OR7A5: variants seen among roughly 807,000 people sequenced by gnomAD.
OR7A5 encodes the protein olfactory receptor 7A5.
For missense variants in OR7A5, 319 were observed against 377.9 expected (o/e 0.84, Z 1.29); for synonymous variants, 140 against 146.7 (o/e 0.95, Z 0.33).
At position 14,827,170 on chromosome 19, in the gene OR7A5, A is replaced by G. The variant is rs2044775726; in HGVS notation, c.*112T>C. 1.7e-6 allele frequency: 2 copies of G among 1,155,854 alleles called. No individual in the cohort carries two copies. Among genetic ancestry groups the G allele is most frequent in the Middle Eastern group, 2.2e-4 (1 of 4,510 alleles). 71.6% of individuals were successfully genotyped at this position (1,155,854 alleles called of 1,614,324 possible). A position where few individuals can be genotyped will look rare whatever the true frequency, so the allele number is the denominator to read the frequency against. On this transcript the variant is annotated 3_prime_UTR_variant, in exon 2 of 2. Coordinates refer to ENST00000322301, the MANE Select transcript of OR7A5 (RefSeq NM_017506.2). Reference sequence around the variant, plus strand: ...TTCTACAAGACCAGTTGAAATCACAACAAATTGAAACTCCCAGAAATATAA... The same window carrying G: ...TTCTACAAGACCAGTTGAAATCACAGCAAATTGAAACTCCCAGAAATATAA...
rs1212366472 is a variant in OR7A5, at chr19:14,827,944, G to A, written c.298C>T (p.Gln100Ter). 1 of 1,614,082 alleles carries A rather than the reference G, an allele frequency of 6.2e-7. No individual in the cohort carries two copies. Among genetic ancestry groups the A allele is most frequent in the Non-Finnish European group, 8.5e-7 (1 of 1,180,032 alleles). The change falls in exon 2 of 2, where the codon CAG becomes TAG. Residue 100 changes from glutamine to a stop codon, truncating the protein, a stop_gained. Coordinates refer to ENST00000322301, the MANE Select transcript of OR7A5 (RefSeq NM_017506.2). LOFTEE classifies it low-confidence loss of function (END_TRUNC). ...GCAAAGAGTATGAAAAAATACATCT[G>A]CATGAGGCAGGCTATGTAGGTGATG... Reference protein sequence around the residue: ...KVITYIACLMQMYFFILFAGF... With the variant: ...KVITYIACLM
intron 1 of OR7A5, among the ~76,000 whole-genome samples, chr19:14,832,023 C>T (rs992651317): frequency 3.9e-5 from 6 of 152,078 alleles, no homozygotes; most frequent in Non-Finnish European, 7.4e-5. Context: ...ATACTCATGC[C>T]TCAGCTTCTT....
At position 14,827,595 on chromosome 19, in the gene OR7A5, T is replaced by C. The variant is rs2044783337; in HGVS notation, c.647A>G (p.Tyr216Cys). The C allele has an allele frequency of 6.2e-7, 1 of 1,613,996 alleles. No individual in the cohort carries two copies. The highest frequency in any genetic ancestry group is 1.7e-5 in the Admixed American group (1 of 59,992). The change falls in exon 2 of 2, where the codon TAC (tyrosine) becomes TGC (cysteine). Residue 216 changes from tyrosine (Y) to cysteine (C), a missense_variant. Physicochemically the swap from Tyr to Cys is radical, Grantham distance 194. Coordinates refer to ENST00000322301, the MANE Select transcript of OR7A5 (RefSeq NM_017506.2). ...GGAAGAAATTATCTTAGAGTAAGAG[T>C]AAAGGATCCCAGTCAGGGGACCTCC... Reference protein sequence around the residue: ...LGGGPLTGILYSYSKIISSIH... With the variant: ...LGGGPLTGILCSYSKIISSIH...
At chr19:14,828,322 A>G (rs2145078914) in intron 1 of OR7A5, 68 bp from the exon 2 acceptor site, 1 of 1,403,400 alleles carries the variant, frequency 7.1e-7, no homozygotes, top group Middle Eastern at 1.9e-4. Context: ...CAGAAATACC[A>G]TCATTTATAT....
At chr19:14,834,576 C>G (rs1222729501) in intron 1 of OR7A5, among the ~76,000 whole-genome samples, 2 of 152,172 alleles carry the variant, frequency 1.3e-5, no homozygotes, top group African/African-American at 4.8e-5. Flanking sequence ...AGAGAAAATC[C>G]TGCAAAATAT....
Position 14,827,905 on chromosome 19 carries a change from A to C in OR7A5, c.337T>G (p.Phe113Val). Residue 113 changes from phenylalanine (F) to valine (V), a missense_variant, in exon 2 of 2, where the codon TTC (phenylalanine) becomes GTC (valine). Physicochemically the swap from Phe to Val is conservative, Grantham distance 50. Transcript: ENST00000322301. ...FFILFAGFEN[F>V]LLSVMAYDRF... ...TCATAGGCCATCACGGACAGGAGGA[A>C]GTTTTCAAATCCAGCAAAGAGTATG... 4.3e-6 allele frequency: 7 copies of C among 1,614,188 alleles called. No individual in the cohort carries two copies. The highest frequency in any genetic ancestry group is 5.9e-6 in the Non-Finnish European group (7 of 1,180,038).
Position 14,829,001 on chromosome 19 carries a change from A to G in OR7A5, c.-13-747T>C, listed in dbSNP as rs574544127. ...GGGAACAGGCGCTTGGAAAATAAAC[A>G]AAGCAGGTAAAAAGGAGGGAGGGTA... On this transcript the variant is annotated intron_variant, in intron 1 of 1. Transcript: ENST00000322301. Among the ~76,000 whole-genome samples the G allele has an allele frequency of 1.0e-3, 152 of 152,172 alleles. 2 individuals carry two copies. In the South Asian group the frequency reaches 0.03, roughly 30 times the overall value.
chr19:14,832,963 A>G (rs59889385), intron 1 of OR7A5, among the ~76,000 whole-genome samples: 15,319 of 152,232 alleles, frequency 0.1, 836 homozygotes, highest in East Asian at 0.22. Context: ...ACTGTTCATA[A>G]AAAACTCTTG....
Position 14,831,545 on chromosome 19 carries a change from C to T in OR7A5, c.-13-3291G>A, listed in dbSNP as rs543497761. Among the ~76,000 whole-genome samples the T allele has an allele frequency of 2.6e-4, 39 of 151,968 alleles. 1 individual carries two copies. The highest frequency in any genetic ancestry group is 6.8e-3 in the Middle Eastern group (2 of 294). On this transcript the variant is annotated intron_variant, in intron 1 of 1. Coordinates refer to ENST00000322301, the MANE Select transcript of OR7A5 (RefSeq NM_017506.2). ...CTGCAAGCTCAGCCTCCCGGGTTCA[C>T]GCCATTCTCCTGCCTCAGCCTCCTG...
chr19:14,833,828 G>A (rs1013658427), intron 1 of OR7A5, among the ~76,000 whole-genome samples: 1 of 131,026 alleles, frequency 7.6e-6, no homozygotes, highest in African/African-American at 2.8e-5. Context: ...GAGCGGGGAT[G>A]GAGTGGGGAA....
At position 14,827,960 on chromosome 19, in the gene OR7A5, G is replaced by A; in HGVS notation, c.282C>T (p.Tyr94=). 1.2e-6 allele frequency: 2 copies of A among 1,614,226 alleles called. No homozygotes were observed. The highest frequency in any genetic ancestry group is 1.7e-6 in the Non-Finnish European group (2 of 1,180,048). Residue 94 remains tyrosine, a synonymous_variant, in exon 2 of 2, where the codon TAC becomes TAT. Coordinates refer to ENST00000322301, the MANE Select transcript of OR7A5 (RefSeq NM_017506.2). ...AATACATCTGCATGAGGCAGGCTAT[G>A]TAGGTGATGACTTTGTTCTGTGTCT... is the stretch of plus-strand genomic sequence containing the variant. The part of the protein sequence containing the change: ...NIQTQNKVIT[Y]IACLMQMYFF...
At position 14,827,271 on chromosome 19, in the gene OR7A5, G is replaced by A. The variant is rs370878498; in HGVS notation, c.*11C>T. 1.3e-6 allele frequency: 2 copies of A among 1,529,482 alleles called. No individual in the cohort carries two copies. Among genetic ancestry groups the A allele is most frequent in the Non-Finnish European group, 8.7e-7 (1 of 1,143,114 alleles). 94.7% of individuals were successfully genotyped at this position (1,529,482 alleles called of 1,614,324 possible). ...TGACAGTTACTACCTCTGAAGCTTA[G>A]AGCCCTGCAATCATGGGCACTTCTT... On this transcript the variant is annotated 3_prime_UTR_variant, in exon 2 of 2. Transcript: ENST00000322301.
chr19:14,833,690 T>C (rs924203662), intron 1 of OR7A5, among the ~76,000 whole-genome samples: 2 of 152,180 alleles, frequency 1.3e-5, no homozygotes, highest in East Asian at 3.8e-4. Context: ...TTTTAAACGC[T>C]GGTAACTGTA....
In OR7A5 at chr19:14,827,061, A is replaced by C. The variant is rs2240556; in HGVS notation, c.*221T>G. ...TGTTTCTGATCCAAAGTCGGAAATA[A>C]CCTTGAGAAAGTAGGAAAACAACAA... On this transcript the variant is annotated 3_prime_UTR_variant, in exon 2 of 2. Transcript: ENST00000322301. 5,664 of 396,796 alleles carry C rather than the reference A, an allele frequency of 0.014. 56 individuals carry two copies. The highest frequency in any genetic ancestry group is 0.032 in the South Asian group (343 of 10,700). 24.6% of individuals were successfully genotyped at this position (396,796 alleles called of 1,614,324 possible).
In OR7A5 at chr19:14,827,877, C is replaced by T. The variant is rs112260964; in HGVS notation, c.365G>A (p.Arg122Gln). The T allele has an allele frequency of 3.5e-5, 57 of 1,614,002 alleles. No individual in the cohort carries two copies. Among genetic ancestry groups the T allele is most frequent in the African/African-American group, 2.8e-4 (21 of 74,906 alleles). The change falls in exon 2 of 2, where the codon CGG (arginine) becomes CAG (glutamine). Residue 122 changes from arginine (R) to glutamine (Q), a missense_variant. Coordinates refer to ENST00000322301, the MANE Select transcript of OR7A5 (RefSeq NM_017506.2). Reference protein sequence around the residue: ...NFLLSVMAYDRFVAICHPLHY... With the variant: ...NFLLSVMAYDQFVAICHPLHY... ...CAGGGGGTGACAGATGGCCACAAAC[C>T]GGTCATAGGCCATCACGGACAGGAG...
Position 14,827,100 on chromosome 19 carries a change from T to C in OR7A5, c.*182A>G, listed in dbSNP as rs2240557. 1 of 508,012 alleles carries C rather than the reference T, an allele frequency of 2.0e-6. No individual in the cohort carries two copies. Among genetic ancestry groups the C allele is most frequent in the Non-Finnish European group, 3.2e-6 (1 of 316,530 alleles). 31.5% of individuals were successfully genotyped at this position (508,012 alleles called of 1,614,324 possible). ...GGAAAACAACAAAGAGAAAAAACTGTTGGATATCAGAGAGCAGAAAGCTTA... is the reference window on the plus strand; with the variant it reads ...GGAAAACAACAAAGAGAAAAAACTGCTGGATATCAGAGAGCAGAAAGCTTA... On this transcript the variant is annotated 3_prime_UTR_variant, in exon 2 of 2. Coordinates refer to ENST00000322301, the MANE Select transcript of OR7A5 (RefSeq NM_017506.2).
chr19:14,830,776 C>T (rs2044823817), intron 1 of OR7A5, among the ~76,000 whole-genome samples: 1 of 152,040 alleles, frequency 6.6e-6, no homozygotes, highest in Non-Finnish European at 1.5e-5. Context: ...CAGGGAAAAA[C>T]AAAAAGAGAA....
Position 14,827,546 on chromosome 19 carries a change from C to T in OR7A5, c.696G>A (p.Gln232=), listed in dbSNP as rs371579357. ...ISSIHAISSA[Q]GKYKAFSTCA... Reference sequence around the variant, plus strand: ...AGGTGGAAAATGCCTTGTACTTCCCCTGAGCTGATGAGATTGCATGTATGG... The same window carrying T: ...AGGTGGAAAATGCCTTGTACTTCCCTTGAGCTGATGAGATTGCATGTATGG... The change falls in exon 2 of 2, where the codon CAG becomes CAA. Residue 232 remains glutamine (Q), a synonymous_variant. Transcript: ENST00000322301. 8.2e-5 allele frequency: 132 copies of T among 1,614,138 alleles called. No homozygotes were observed. Among genetic ancestry groups the T allele is most frequent in the Middle Eastern group, 4.9e-4 (3 of 6,062 alleles).
At chr19:14,829,372 T>C (rs558912492) in intron 1 of OR7A5, among the ~76,000 whole-genome samples, 86 of 152,220 alleles carry the variant, frequency 5.6e-4, no homozygotes, top group Non-Finnish European at 1.1e-3. Flanking sequence ...CCCAGCTAAT[T>C]TTGTATTTTT....
Sources: allele counts gnomAD v4.1 joint callset (sites outside exome capture counted in the v4.1 genomes callset), GRCh38; gene constraint gnomAD v4.1.1; transcripts MANE v1.5; gene names NCBI Gene and HGNC (gene_info 2026-07-23, HGNC 2026-07-21).